The following SLC4A4 variants were observed in gnomAD, a reference collection of about 807,000 sequenced individuals.
SLC4A4 encodes the protein electrogenic sodium bicarbonate cotransporter 1.
In SLC4A4, 27 loss-of-function variants were observed where a neutral mutation model predicts 111.5. The observed-to-expected ratio is 0.24, with a 90% confidence interval of 0.18 to 0.33. The LOEUF (loss-of-function observed/expected upper bound fraction) is 0.33, where lower values mean the gene tolerates loss of function less well. Among genes scored for constraint, SLC4A4 ranks in the 10% least tolerant of loss-of-function variants. The probability of loss-of-function intolerance (pLI) is 1.00; values close to 1 mark genes in which losing one functional copy is unlikely to be tolerated. For missense variants in SLC4A4, 909 were observed against 1,315.5 expected, an observed-to-expected ratio of 0.69 and a Z score of 4.78; for synonymous variants, 443 against 463.4, an observed-to-expected ratio of 0.96 and a Z score of 0.57.
At chr4:71,221,359 A>T (rs1718734119) in intron 1 of SLC4A4, among the ~76,000 whole-genome samples, 1 of 152,130 alleles carries the variant, frequency 6.6e-6, no homozygotes, top group South Asian at 2.1e-4. Context: ...CACAATGTGG[A>T]CCACTCCTGT....
At chr4:71,330,398 G>A (rs1727872415) in intron 3 of SLC4A4, among the ~76,000 whole-genome samples, 1 of 152,052 alleles carries the variant, frequency 6.6e-6, no homozygotes, top group African/African-American at 2.4e-5. Flanking sequence ...ATAGACCAAT[G>A]GAACAGAACA....
At chr4:71,394,613 AG>A (rs1719629696) in intron 6 of SLC4A4, among the ~76,000 whole-genome samples, 3 of 152,142 alleles carry the variant, frequency 2.0e-5, no homozygotes. Context: ...AATTCCTTAA[AG>A]AACTAAAAGT....
At chr4:71,280,184 T>G (rs1421958421) in intron 3 of SLC4A4, among the ~76,000 whole-genome samples, 1 of 152,258 alleles carries the variant, frequency 6.6e-6, no homozygotes, top group African/African-American at 2.4e-5. Context: ...GTTGAACATT[T>G]TCAGATATCT....
chr4:71,313,368 A>T (rs1047570028), intron 3 of SLC4A4, among the ~76,000 whole-genome samples: 1 of 152,208 alleles, frequency 6.6e-6, no homozygotes, highest in African/African-American at 2.4e-5. Flanking sequence ...TAATTTATAG[A>T]TTCAGTGCTA....
intron 3 of SLC4A4, among the ~76,000 whole-genome samples, chr4:71,306,540 G>A (rs2060902): frequency 6.6e-6 from 1 of 151,820 alleles, no homozygotes; most frequent in African/African-American, 2.4e-5. Context: ...CTGAGATTGC[G>A]CCACTGCACT....
intron 2 of SLC4A4, among the ~76,000 whole-genome samples, chr4:71,237,117 T>G (rs773688659): frequency 2.6e-5 from 4 of 152,162 alleles, no homozygotes; most frequent in Non-Finnish European, 4.4e-5. Flanking sequence ...ATGTTAAGAG[T>G]GATAATCATG....
intron 6 of SLC4A4, among the ~76,000 whole-genome samples, chr4:71,379,346 T>G (rs920630237): frequency 6.6e-6 from 1 of 152,176 alleles, no homozygotes; most frequent in African/African-American, 2.4e-5. Flanking sequence ...CTACAAGCTC[T>G]TGTAATTTAG....
intron 18 of SLC4A4, among the ~76,000 whole-genome samples, chr4:71,539,656 T>C (rs1196643006): frequency 6.6e-6 from 1 of 152,162 alleles, no homozygotes; most frequent in African/African-American, 2.4e-5. Context: ...TTTCTCTTGT[T>C]TTTGCTCTTA....
intron 13 of SLC4A4, among the ~76,000 whole-genome samples, chr4:71,472,432 G>T (rs998280698): frequency 6.6e-6 from 1 of 151,838 alleles, no homozygotes; most frequent in African/African-American, 2.4e-5. Context: ...CATATTTTTT[G>T]AATGAGAAAA....
At chr4:71,124,377 G>A (rs937768035) in intron 2 of SLC4A4, among the ~76,000 whole-genome samples, 1 of 151,968 alleles carries the variant, frequency 6.6e-6, no homozygotes, top group African/African-American at 2.4e-5. Flanking sequence ...TCACCACATT[G>A]GCCAGGATGG....
chr4:71,240,889 G>A (rs1458851677), intron 2 of SLC4A4, among the ~76,000 whole-genome samples: 2 of 152,048 alleles, frequency 1.3e-5, no homozygotes, highest in African/African-American at 4.8e-5. Flanking sequence ...AGGCCAAGGT[G>A]GGAGGATCAC....
At chr4:71,097,886 T>G (rs1422863160) in intron 2 of SLC4A4, among the ~76,000 whole-genome samples, 1 of 152,180 alleles carries the variant, frequency 6.6e-6, no homozygotes, top group Admixed American at 6.5e-5. Flanking sequence ...TTTTCTCGTA[T>G]ATTTGTTTCT....
chr4:71,564,756 A>G (rs1413632724), intron 24 of SLC4A4, among the ~76,000 whole-genome samples: 1 of 151,944 alleles, frequency 6.6e-6, no homozygotes, highest in East Asian at 1.9e-4. Context: ...CAACTACAAT[A>G]AGAGGTTACT....
intron 7 of SLC4A4, among the ~76,000 whole-genome samples, chr4:71,424,043 A>G (rs1196277881): frequency 2.0e-5 from 3 of 152,278 alleles, no homozygotes; most frequent in Non-Finnish European, 2.9e-5. Context: ...CTACCATCAG[A>G]GTGAACAGGC....
At chr4:71,526,062 C>T (rs1385534322) in intron 16 of SLC4A4, among the ~76,000 whole-genome samples, 1 of 152,010 alleles carries the variant, frequency 6.6e-6, no homozygotes, top group East Asian at 1.9e-4. Context: ...GCACTTTCTA[C>T]TTCTACTATG....
At chr4:71,418,675 G>C (rs1449961879) in intron 7 of SLC4A4, among the ~76,000 whole-genome samples, 2 of 152,176 alleles carry the variant, frequency 1.3e-5, no homozygotes, top group Non-Finnish European at 2.9e-5. Flanking sequence ...ACAAAAATAT[G>C]TTTCTAGTAA....
intron 2 of SLC4A4, among the ~76,000 whole-genome samples, chr4:71,156,588 G>GCACACACACACACA (rs1553957345): frequency 1.8e-4 from 25 of 138,572 alleles, no homozygotes; most frequent in African/African-American, 6.6e-4. Flanking sequence ...GCGCGCGCGC[G>GCACACACACACACA]CACACACACA....
At chr4:71,298,764 G>A (rs894046464) in intron 3 of SLC4A4, among the ~76,000 whole-genome samples, 7 of 152,186 alleles carry the variant, frequency 4.6e-5, no homozygotes, top group Non-Finnish European at 1.0e-4. Context: ...GGTAGGATCT[G>A]TGCTTCCTAG....
chr4:71,255,476 G>T, intron 3 of SLC4A4, 77 bp downstream of exon 3: 2 of 1,414,618 alleles, frequency 1.4e-6, no homozygotes, highest in East Asian at 2.3e-5. Flanking sequence ...TTTGAATCTT[G>T]TGGCTAAAGG....
Sources: allele counts gnomAD v4.1 joint callset (sites outside exome capture counted in the v4.1 genomes callset), GRCh38; gene constraint gnomAD v4.1.1; transcripts MANE v1.5; gene names NCBI Gene and HGNC (gene_info 2026-07-23, HGNC 2026-07-21).